SKAP2: variants seen among roughly 807,000 people sequenced by gnomAD.
SKAP2 encodes src kinase associated phosphoprotein 2.
SKAP2 carries 28 observed loss-of-function variants against 54.9 expected under a neutral mutation model. That is an observed-to-expected ratio of 0.51 (90% CI 0.38 to 0.70). The LOEUF (loss-of-function observed/expected upper bound fraction) is 0.70, where lower values mean the gene tolerates loss of function less well. SKAP2 is among the 30% of genes least tolerant of loss of function. SKAP2 has a pLI of 0.00. For synonymous variants in SKAP2, 137 were observed against 134.3 expected, an observed-to-expected ratio of 1.02 and a Z score of -0.14; for missense variants, 356 against 424.1, an observed-to-expected ratio of 0.84 and a Z score of 1.41.
At chr7:26,853,069 A>G (rs1785081422) in intron 3 of SKAP2, among the ~76,000 whole-genome samples, 1 of 152,190 alleles carries the variant, frequency 6.6e-6, no homozygotes. Flanking sequence ...AAAAATCTTA[A>G]TATGAAAAAA....
At chr7:26,657,681 C>T in the SKAP2 span, among the ~76,000 whole-genome samples, 1 of 151,822 alleles carries the variant, frequency 6.6e-6, no homozygotes, top group South Asian at 2.1e-4. Flanking sequence ...CTTGTCTTTA[C>T]TGAAGCGGAA....
chr7:26,788,919 A>G (rs1484579912), intron 4 of SKAP2, among the ~76,000 whole-genome samples: 1 of 152,198 alleles, frequency 6.6e-6, no homozygotes, highest in Non-Finnish European at 1.5e-5. Context: ...AATTATAAAC[A>G]GAATGTAAAA....
chr7:26,779,832 G>A (rs911773605), intron 4 of SKAP2, among the ~76,000 whole-genome samples: 1 of 152,008 alleles, frequency 6.6e-6, no homozygotes, highest in African/African-American at 2.4e-5. Context: ...AGGAGAGCCT[G>A]TTATACAATA....
At chr7:26,768,187 C>T (rs1212274398) in intron 4 of SKAP2, among the ~76,000 whole-genome samples, 2 of 152,014 alleles carry the variant, frequency 1.3e-5, no homozygotes, top group Non-Finnish European at 2.9e-5. Context: ...CTTCCTGTTG[C>T]ATGGATCCCT....
intron 9 of SKAP2, among the ~76,000 whole-genome samples, chr7:26,723,559 G>C (rs769667023): frequency 2.6e-5 from 4 of 151,938 alleles, no homozygotes; most frequent in African/African-American, 4.8e-5. Flanking sequence ...GGTGAGGAGG[G>C]GGGCAAGGAA....
At chr7:26,666,161 C>A (rs1371358970), downstream of SKAP2, among the ~76,000 whole-genome samples, 2 of 152,010 alleles carry the variant, frequency 1.3e-5, no homozygotes, top group African/African-American at 4.8e-5. Context: ...AAAGTGATCT[C>A]TATATGGTGT....
rs187246699 is a variant in SKAP2, at chr7:26,828,408, T to G, written c.307+15622A>C. On this transcript the variant is annotated intron_variant, in intron 4 of 12. Coordinates refer to ENST00000345317, the MANE Select transcript of SKAP2 (RefSeq NM_003930.5). The stretch of plus-strand genomic sequence containing the variant: ...AAAGGTATAGCAAGGCCGGGCGCGG[T>G]GGCTAACACCTGTAATCCCAGCACT... 9.9e-3 allele frequency among the ~76,000 whole-genome samples: 1,509 copies of G among 152,300 alleles called. 13 individuals are homozygous for G. Among genetic ancestry groups the G allele is most frequent in the Non-Finnish European group, 0.015 (1,048 of 68,024 alleles).
chr7:26,666,426 A>G (rs1372298887), downstream of SKAP2, among the ~76,000 whole-genome samples: 1 of 152,178 alleles, frequency 6.6e-6, no homozygotes, highest in East Asian at 1.9e-4. Context: ...GAGTGCAGAA[A>G]TTACATGAAA....
chr7:26,808,647 A>T (rs927773801), intron 4 of SKAP2, among the ~76,000 whole-genome samples: 8 of 37,342 alleles, frequency 2.1e-4, no homozygotes, highest in African/African-American at 5.5e-4. Flanking sequence ...TTACCATAAT[A>T]AAAAAAAAGG....
chr7:26,798,493 GT>G (rs1235950864), intron 4 of SKAP2, among the ~76,000 whole-genome samples: 1 of 152,036 alleles, frequency 6.6e-6, no homozygotes, highest in East Asian at 1.9e-4. Flanking sequence ...TACCAGACCT[GT>G]CCTACAAGAA....
At chr7:26,757,879 A>C (rs1782831888) in intron 4 of SKAP2, among the ~76,000 whole-genome samples, 1 of 152,104 alleles carries the variant, frequency 6.6e-6, no homozygotes, top group African/African-American at 2.4e-5. Flanking sequence ...CTCCTGCTTC[A>C]GCTTCCCAAG....
At chr7:26,763,477 T>C (rs1410439493) in intron 4 of SKAP2, among the ~76,000 whole-genome samples, 2 of 152,204 alleles carry the variant, frequency 1.3e-5, no homozygotes, top group African/African-American at 4.8e-5. Flanking sequence ...TTTTCATCAC[T>C]TATTTAAGGT....
intron 4 of SKAP2, among the ~76,000 whole-genome samples, chr7:26,806,699 C>G (rs971879457): frequency 1.2e-4 from 18 of 152,122 alleles, no homozygotes; most frequent in Non-Finnish European, 1.5e-5. Flanking sequence ...GCAAAAAAGC[C>G]TTTTTGCTGA....
At chr7:26,696,355 A>G (rs187744105) in intron 9 of SKAP2, among the ~76,000 whole-genome samples, 28 of 152,288 alleles carry the variant, frequency 1.8e-4, no homozygotes, top group African/African-American at 5.8e-4. Flanking sequence ...AATTTGGCAA[A>G]GTGGGGCCTA....
intron 10 of SKAP2, among the ~76,000 whole-genome samples, 186 bp from the exon 11 acceptor site, chr7:26,685,034 G>A (rs575992285): frequency 5.9e-5 from 9 of 152,198 alleles, no homozygotes; most frequent in South Asian, 2.1e-4. Flanking sequence ...TCTTAAGACC[G>A]CTTTCAAAAA....
At chr7:26,719,623 T>A (rs1287395873) in intron 9 of SKAP2, among the ~76,000 whole-genome samples, 1 of 152,186 alleles carries the variant, frequency 6.6e-6, no homozygotes, top group East Asian at 1.9e-4. Flanking sequence ...AACCTCTTCC[T>A]TCCAAGATAG....
Position 26,690,294 on chromosome 7 carries a change from G to A in SKAP2, c.865C>T (p.His289Tyr), listed in dbSNP as rs751945383. The A allele has an allele frequency of 8.1e-6, 13 of 1,605,980 alleles. No homozygotes were observed. The Admixed American group carries it at 8.3e-5, about 10-fold the overall frequency. ...CTACACAAGTCATTACCTGAGGTGT[G>A]ATGGACACTATCCTGACTCATCTTC... ...QRKMSQDSVHHTSGDKSTDYA... is the reference protein window; with the variant it reads ...QRKMSQDSVHYTSGDKSTDYA... The change falls in exon 10 of 13, where the codon CAC (histidine) becomes TAC (tyrosine). Residue 289 changes from histidine to tyrosine, a missense_variant. By Grantham distance (83) the His-to-Tyr change is moderately conservative (BLOSUM62 2). Transcript: ENST00000345317.
chr7:26,703,229 T>C (rs1290826505), intron 9 of SKAP2, among the ~76,000 whole-genome samples: 1 of 152,062 alleles, frequency 6.6e-6, no homozygotes, highest in Non-Finnish European at 1.5e-5. Flanking sequence ...CAATACCTGA[T>C]GAGCTTTAAA....
At chr7:26,774,350 C>T (rs1378853921) in intron 4 of SKAP2, among the ~76,000 whole-genome samples, 1 of 151,886 alleles carries the variant, frequency 6.6e-6, no homozygotes, top group Non-Finnish European at 1.5e-5. Context: ...ATATCAAAGG[C>T]CACTTTGAAG....
Sources: gnomAD v4.1 joint callset for allele counts (sites outside exome capture counted in the v4.1 genomes callset) on GRCh38, gnomAD v4.1.1 for gene constraint, MANE v1.5 for transcripts, NCBI Gene and HGNC (gene_info 2026-07-23, HGNC 2026-07-21) for gene names.